The following CCDC7 variants were observed in gnomAD, a reference collection of about 807,000 sequenced individuals.
CCDC7 encodes coiled-coil domain-containing protein 7.
Under a neutral mutation model 196.9 loss-of-function variants are expected in CCDC7, and 183 were observed. That is an observed-to-expected ratio of 0.93 (90% CI 0.82 to 1.05). CCDC7 has a LOEUF of 1.05. CCDC7 is among the 50% of genes least tolerant of loss of function. The pLI is 0.00. For missense variants in CCDC7, 1,540 were observed against 1,482.2 expected (o/e 1.04, Z -0.64); for synonymous variants, 525 against 484.6 (o/e 1.08, Z -1.10).
chr10:32,813,979 G>A (rs183033554), intron 30 of CCDC7, among the ~76,000 whole-genome samples: 21 of 149,962 alleles, frequency 1.4e-4, no homozygotes, highest in East Asian at 7.8e-4. Flanking sequence ...TCTTTTTTGC[G>A]ACAGAGTCTC....
At chr10:32,811,433 C>G (rs2087078308) in intron 30 of CCDC7, among the ~76,000 whole-genome samples, 1 of 151,950 alleles carries the variant, frequency 6.6e-6, no homozygotes, top group Non-Finnish European at 1.5e-5. Context: ...ATATAGCCTA[C>G]CAAGATTGAA....
intron 31 of CCDC7, among the ~76,000 whole-genome samples, chr10:32,824,038 A>G (rs11009101): frequency 0.088 from 13,413 of 152,190 alleles, 856 homozygotes; most frequent in East Asian, 0.33. Flanking sequence ...CTGTTTTATT[A>G]TATTTTGTGA....
intron 11 of CCDC7, among the ~76,000 whole-genome samples, chr10:32,525,982 C>T (rs2048613866): frequency 6.6e-6 from 1 of 152,228 alleles, no homozygotes; most frequent in African/African-American, 2.4e-5. Context: ...AGGACTGGGC[C>T]TTTCCCAAGG....
At chr10:32,753,943 A>G (rs868868736) in intron 28 of CCDC7, among the ~76,000 whole-genome samples, 27 of 152,114 alleles carry the variant, frequency 1.8e-4, no homozygotes, top group African/African-American at 5.6e-4. Context: ...AATGAAACAA[A>G]TGATTTTTTT....
rs568320965 is a variant in CCDC7, at chr10:32,641,719, A to T, written c.2014+6561A>T. ...AGGAGCTGCGTTCCTTTGGAGGAGG[A>T]GTGGTGCTCTGATTTTTAGAGTTTC... On this transcript the variant is annotated intron_variant, in intron 20 of 41. Coordinates refer to ENST00000639629, the Ensembl canonical transcript of CCDC7. Among the ~76,000 whole-genome samples the T allele has an allele frequency of 3.3e-5, 5 of 152,242 alleles. No individual in the cohort carries two copies. The South Asian group carries it at 1.0e-3, about 32-fold the overall frequency.
chr10:32,554,254 C>T (rs72795540), intron 13 of CCDC7, among the ~76,000 whole-genome samples: 13,056 of 152,226 alleles, frequency 0.086, 882 homozygotes, highest in South Asian at 0.25. Context: ...TTCACAGCTG[C>T]GAAAGAAAAG....
chr10:32,632,502 T>G (rs564846127), intron 18 of CCDC7, among the ~76,000 whole-genome samples: 3 of 151,854 alleles, frequency 2.0e-5, no homozygotes, highest in South Asian at 4.1e-4. Flanking sequence ...TACTTTAATG[T>G]CCTCTTCTTT....
At chr10:32,529,246 T>C (rs2049242401) in intron 11 of CCDC7, among the ~76,000 whole-genome samples, 2 of 152,106 alleles carry the variant, frequency 1.3e-5, no homozygotes, top group Admixed American at 1.3e-4. Context: ...GGGCTTGAGC[T>C]CCTGACCTTG....
intron 28 of CCDC7, among the ~76,000 whole-genome samples, chr10:32,747,886 C>T (rs1012583386): frequency 6.6e-6 from 1 of 152,174 alleles, no homozygotes; most frequent in Admixed American, 6.5e-5. Context: ...GAATATAAAT[C>T]ATCCTACCAT....
intron 23 of CCDC7, among the ~76,000 whole-genome samples, chr10:32,693,504 C>T (rs562693276): frequency 1.3e-5 from 2 of 152,068 alleles, no homozygotes; most frequent in South Asian, 4.2e-4. Context: ...CCCTTCAGGT[C>T]AATTTATAGA....
At chr10:32,475,803 G>C (rs914443352) in intron 8 of CCDC7, among the ~76,000 whole-genome samples, 2 of 151,982 alleles carry the variant, frequency 1.3e-5, no homozygotes, top group Non-Finnish European at 2.9e-5. Flanking sequence ...CTTATAGCCT[G>C]GCCAGCAAGA....
intron 9 of CCDC7, among the ~76,000 whole-genome samples, chr10:32,492,414 C>T (rs2042290908): frequency 6.6e-6 from 1 of 152,018 alleles, no homozygotes; most frequent in African/African-American, 2.4e-5. Flanking sequence ...GCATTATTCA[C>T]AATAGCCAAA....
chr10:32,766,823 C>T (rs1377783442), intron 28 of CCDC7, among the ~76,000 whole-genome samples: 1 of 152,040 alleles, frequency 6.6e-6, no homozygotes, highest in Non-Finnish European at 1.5e-5. Context: ...CTATGGTCTC[C>T]ACTTCTGCTA....
intron 5 of CCDC7, among the ~76,000 whole-genome samples, chr10:32,467,996 T>A (rs1215163045): frequency 6.6e-6 from 1 of 152,206 alleles, no homozygotes; most frequent in Non-Finnish European, 1.5e-5. Flanking sequence ...AGCCCTGTAG[T>A]ATAGTTTGAA....
At chr10:32,544,162 T>TC in intron 12 of CCDC7, 85 bp from the exon 14 acceptor site, 7 of 1,153,256 alleles carry the variant, frequency 6.1e-6, no homozygotes, top group Non-Finnish European at 8.5e-6. Flanking sequence ...TATTTTAAAA[T>TC]CGTTTAAAAA....
At chr10:32,517,861 GAAA>G in intron 9 of CCDC7, 81 bp from the exon 11 acceptor site, 1 of 1,453,340 alleles carries the variant, frequency 6.9e-7, no homozygotes, top group South Asian at 1.3e-5. Context: ...AATACCAAAA[GAAA>G]AAAAAAGAAA....
chr10:32,522,417 G>T (rs1589481843), intron 11 of CCDC7, among the ~76,000 whole-genome samples: 1 of 152,018 alleles, frequency 6.6e-6, no homozygotes, highest in East Asian at 1.9e-4. Flanking sequence ...TATGGGTCTA[G>T]AAATTTATTT....
intron 31 of CCDC7, among the ~76,000 whole-genome samples, chr10:32,815,120 A>T (rs1286838118): frequency 6.6e-6 from 1 of 152,162 alleles, no homozygotes; most frequent in African/African-American, 2.4e-5. Flanking sequence ...AAAAAGGAAG[A>T]GTCAATCAAC....
At chr10:32,673,713 A>G (rs890832988) in intron 21 of CCDC7, among the ~76,000 whole-genome samples, 2 of 147,158 alleles carry the variant, frequency 1.4e-5, no homozygotes, top group African/African-American at 5.3e-5. Context: ...TACATTAAAA[A>G]ATCAATAACA....
Sources: gnomAD v4.1 joint callset for allele counts (sites outside exome capture counted in the v4.1 genomes callset) on GRCh38, gnomAD v4.1.1 for gene constraint, MANE v1.5 for transcripts, NCBI Gene and HGNC (gene_info 2026-07-23, HGNC 2026-07-21) for gene names.